Variants in RNF115 observed in about 807,000 individuals in gnomAD.
RNF115 encodes ring finger protein 115.
RNF115 carries 31 observed loss-of-function variants against 39.2 expected under a neutral mutation model. That is an observed-to-expected ratio of 0.79 (90% CI 0.59 to 1.07). The LOEUF is 1.07. RNF115 is among the 50% of genes least tolerant of loss of function. RNF115 has a pLI of 0.00. For synonymous variants in RNF115, 124 were observed against 131.0 expected (o/e 0.95, Z 0.37); for missense variants, 384 against 381.7 (o/e 1.01, Z -0.05).
rs1255219241 is a variant in RNF115, at chr1:145,743,431, C to G, written c.*3435G>C. The G allele has an allele frequency of 2.6e-5, 4 of 152,152 alleles. No individual in the cohort carries two copies. Among genetic ancestry groups the G allele is most frequent in the Non-Finnish European group, 4.4e-5 (3 of 68,092 alleles). 9.4% of individuals were successfully genotyped at this position (152,152 alleles called of 1,614,324 possible). A position where few individuals can be genotyped will look rare whatever the true frequency, so the allele number is the denominator to read the frequency against. Reference sequence around the variant, plus strand: ...CAGCTCTCCTGGATCTCTAGCTGGCCCACTGCAGATCTTGGGATTTCTCAA... The same window carrying G: ...CAGCTCTCCTGGATCTCTAGCTGGCGCACTGCAGATCTTGGGATTTCTCAA... On this transcript the variant is annotated 3_prime_UTR_variant, in exon 9 of 9. Coordinates refer to ENST00000582693, the MANE Select transcript of RNF115 (RefSeq NM_014455.4).
chr1:145,793,272 G>A (rs587613068), intron 1 of RNF115, among the ~76,000 whole-genome samples: 18 of 152,332 alleles, frequency 1.2e-4, no homozygotes, highest in African/African-American at 4.1e-4. Context: ...AGCTGTGATG[G>A]TGCAACTGCA....
chr1:145,808,220 G>A (rs965681652), intron 1 of RNF115, among the ~76,000 whole-genome samples: 1 of 152,148 alleles, frequency 6.6e-6, no homozygotes, highest in Non-Finnish European at 1.5e-5. Flanking sequence ...TAGCGGGATT[G>A]CTGGATTGTA....
rs782443049 is a variant in RNF115, at chr1:145,799,515, G to A, written c.103-10549C>T. ...TGTTGAAATAGCAGTGGCAAGAATG[G>A]GCATCTTTGCCATGTTCCTGATGTT... On this transcript the variant is annotated intron_variant, in intron 1 of 8. Transcript: ENST00000582693. Among the ~76,000 whole-genome samples the A allele has an allele frequency of 3.6e-4, 55 of 151,632 alleles. 2 individuals are homozygous for A. The highest frequency in any genetic ancestry group is 7.6e-4 in the Non-Finnish European group (52 of 67,978).
intron 1 of RNF115, among the ~76,000 whole-genome samples, chr1:145,814,792 C>T (rs1479981394): frequency 6.6e-6 from 1 of 152,052 alleles, no homozygotes; most frequent in Non-Finnish European, 1.5e-5. Context: ...TAGCCTCTAC[C>T]TATAAGAATA....
chr1:145,764,427 T>C (rs1482664529), intron 4 of RNF115, among the ~76,000 whole-genome samples: 1 of 148,730 alleles, frequency 6.7e-6, no homozygotes, highest in African/African-American at 2.5e-5. Context: ...GTCTGAGATG[T>C]GGGGAGCGCC....
intron 1 of RNF115, among the ~76,000 whole-genome samples, chr1:145,801,337 G>A (rs115231211): frequency 0.015 from 2,233 of 152,252 alleles, 41 homozygotes; most frequent in African/African-American, 0.051. Context: ...GGAAGGCCAC[G>A]GAGGGAGGAT....
At chr1:145,752,052 G>A (rs888603865) in intron 5 of RNF115, among the ~76,000 whole-genome samples, 1 of 152,050 alleles carries the variant, frequency 6.6e-6, no homozygotes, top group Non-Finnish European at 1.5e-5. Context: ...AGAGCTGCTG[G>A]TACACTACCA....
rs1222885537 is a variant in RNF115, at chr1:145,789,956, C to T, written c.103-990G>A. 5.3e-5 allele frequency among the ~76,000 whole-genome samples: 8 copies of T among 152,032 alleles called. No individual in the cohort carries two copies. The East Asian group carries it at 1.2e-3, about 22-fold the overall frequency. Reference sequence around the variant, plus strand: ...CAGGCGATCCACCCGCCTCGGCCTCCGAAAGTGCTGGGATTACAGGCACGA... The same window carrying T: ...CAGGCGATCCACCCGCCTCGGCCTCTGAAAGTGCTGGGATTACAGGCACGA... On this transcript the variant is annotated intron_variant, in intron 1 of 8. Coordinates refer to ENST00000582693, the MANE Select transcript of RNF115 (RefSeq NM_014455.4).
intron 4 of RNF115, among the ~76,000 whole-genome samples, chr1:145,759,035 A>T (rs1274918310): frequency 6.6e-6 from 1 of 152,338 alleles, no homozygotes; most frequent in Non-Finnish European, 1.5e-5. Flanking sequence ...GTCACATGCT[A>T]AAACCAGGTA....
At chr1:145,814,894 C>T (rs1649911261) in intron 1 of RNF115, among the ~76,000 whole-genome samples, 2 of 152,078 alleles carry the variant, frequency 1.3e-5, no homozygotes, top group Non-Finnish European at 2.9e-5. Flanking sequence ...ACCACTGTAG[C>T]CTTTTAAAGG....
rs1317830819 is a variant in RNF115, at chr1:145,740,083, T to G, written c.*6783A>C. On this transcript the variant is annotated 3_prime_UTR_variant, in exon 9 of 9. Transcript: ENST00000582693. ...TCATCTTAATCTTTCTCTACCTGTT[T>G]TAAATAGTTAGTTCTGTGTTTCTAA... is the stretch of plus-strand genomic sequence containing the variant. 1 of 152,234 alleles carries G rather than the reference T, an allele frequency of 6.6e-6. No individual in the cohort carries two copies. The highest frequency in any genetic ancestry group is 1.5e-5 in the Non-Finnish European group (1 of 68,038). 9.4% of individuals were successfully genotyped at this position (152,234 alleles called of 1,614,324 possible). A position where few individuals can be genotyped will look rare whatever the true frequency, so the allele number is the denominator to read the frequency against.
At chr1:145,820,878 A>T in intron 1 of RNF115, among the ~76,000 whole-genome samples, 1 of 143,916 alleles carries the variant, frequency 6.9e-6, no homozygotes, top group East Asian at 2.0e-4. Flanking sequence ...ATATCAAATC[A>T]TGCTGAACAC....
chr1:145,787,970 A>G (rs1648470854), intron 2 of RNF115, among the ~76,000 whole-genome samples: 1 of 152,196 alleles, frequency 6.6e-6, no homozygotes, highest in South Asian at 2.1e-4. Context: ...ACTTTCAGAA[A>G]TATTTCCCCT....
At chr1:145,764,848 G>A (rs1658699956) in intron 4 of RNF115, among the ~76,000 whole-genome samples, 1 of 150,766 alleles carries the variant, frequency 6.6e-6, no homozygotes. Context: ...GAGGTGGGGG[G>A]TGCCTCTGCC....
chr1:145,806,263 G>A (rs1302533861), intron 1 of RNF115, among the ~76,000 whole-genome samples: 3 of 152,096 alleles, frequency 2.0e-5, no homozygotes, highest in African/African-American at 7.2e-5. Flanking sequence ...CAGGAGAATC[G>A]CTTGAACCCG....
rs947725696 is a variant in RNF115 at position 145,789,007 on chromosome 1, G to A, written c.103-41C>T. On this transcript the variant is annotated intron_variant, in intron 1 of 8. Coordinates refer to ENST00000582693, the MANE Select transcript of RNF115 (RefSeq NM_014455.4). ...AGAAACAAATAAAACTTTTTCATTA[G>A]AAAGCTACGTGGTATCTGTAGTTTC... The A allele has an allele frequency of 6.3e-6, 8 of 1,275,048 alleles. No individual in the cohort carries two copies. In the African/African-American group the frequency reaches 7.3e-5, roughly 12 times the overall value. 79.0% of individuals were successfully genotyped at this position (1,275,048 alleles called of 1,614,324 possible). A position where few individuals can be genotyped will look rare whatever the true frequency, so the allele number is the denominator to read the frequency against.
chr1:145,795,560 T>C (rs1005225915), intron 1 of RNF115, among the ~76,000 whole-genome samples: 1 of 152,116 alleles, frequency 6.6e-6, no homozygotes, highest in Non-Finnish European at 1.5e-5. Flanking sequence ...GCATTTACAA[T>C]GCTTTAGCTA....
rs587747644 is a variant in RNF115 at position 145,752,368 on chromosome 1, C to T, written c.500+610G>A. Among the ~76,000 whole-genome samples, 20 of 152,190 alleles carry T rather than the reference C, an allele frequency of 1.3e-4. 1 individual carries two copies. Among genetic ancestry groups the T allele is most frequent in the African/African-American group, 4.1e-4 (17 of 41,508 alleles). On this transcript the variant is annotated intron_variant, in intron 5 of 8. Transcript: ENST00000582693. ...GAAACCCACAAATCAGATACCAAGCCTGGCAGGGACCATCTCATTCTCTAC... is the reference window on the plus strand; with the variant it reads ...GAAACCCACAAATCAGATACCAAGCTTGGCAGGGACCATCTCATTCTCTAC...
chr1:145,785,402 A>G (rs782077720), intron 2 of RNF115, among the ~76,000 whole-genome samples: 1 of 152,202 alleles, frequency 6.6e-6, no homozygotes, highest in Non-Finnish European at 1.5e-5. Context: ...GACACTCAAA[A>G]GTTGTTGAAT....
Sources: allele counts gnomAD v4.1 joint callset (sites outside exome capture counted in the v4.1 genomes callset), GRCh38; gene constraint gnomAD v4.1.1; transcripts MANE v1.5; gene names NCBI Gene and HGNC (gene_info 2026-07-23, HGNC 2026-07-21).